Variants in GINS1 observed in about 807,000 individuals in gnomAD.
GINS1 encodes DNA replication complex GINS protein PSF1.
GINS1 carries 26 observed loss-of-function variants against 34.9 expected under a neutral mutation model. The observed-to-expected ratio is 0.74, with a 90% confidence interval of 0.55 to 1.03. GINS1 has a LOEUF of 1.03. Ranked by LOEUF, GINS1 falls within the 50% of genes least tolerant of loss-of-function variation. The pLI is 0.00. For missense variants in GINS1, 235 were observed against 237.9 expected (o/e 0.99, Z 0.08); for synonymous variants, 97 against 84.4 (o/e 1.15, Z -0.82).
intron 6 of GINS1, among the ~76,000 whole-genome samples, chr20:25,443,980 T>TATCTATC (rs2090496781): frequency 4.2e-5 from 6 of 142,918 alleles, no homozygotes; most frequent in Middle Eastern, 3.4e-3. Context: ...TAGGAAACAT[T>TATCTATC]TATCTATCTA....
At chr20:25,428,969 C>CTTTTTTTTTTTTTTTTT (rs77113924) in intron 5 of GINS1, among the ~76,000 whole-genome samples, 3 of 127,438 alleles carry the variant, frequency 2.4e-5, no homozygotes, top group Non-Finnish European at 4.9e-5. Flanking sequence ...ATTCCTCTCT[C>CTTTTTTTTTTTTTTTTT]TTTTTTTTTT....
chr20:25,426,046 C>T (rs1441927702), intron 5 of GINS1, among the ~76,000 whole-genome samples: 1 of 152,166 alleles, frequency 6.6e-6, no homozygotes, highest in Non-Finnish European at 1.5e-5. Flanking sequence ...TCCCATCCCC[C>T]AGCAACCACC....
intron 2 of GINS1, among the ~76,000 whole-genome samples, chr20:25,415,086 T>C (rs1019847968): frequency 5.9e-5 from 9 of 152,246 alleles, no homozygotes; most frequent in Non-Finnish European, 1.3e-4. Flanking sequence ...GTTTCCTCTT[T>C]GGGCTTGTTC....
intron 1 of GINS1, chr20:25,408,807 T>C (rs1480539944): frequency 2.1e-6 from 1 of 467,308 alleles, no homozygotes; most frequent in Non-Finnish European, 2.8e-6. Context: ...GCAAGAAAGC[T>C]AGGATTTGAA....
intron 4 of GINS1, chr20:25,420,712 G>C (rs2090349516): frequency 9.7e-6 from 2 of 205,200 alleles, no homozygotes; most frequent in Non-Finnish European, 1.7e-5. Context: ...AGCCTGGGAG[G>C]TGGAGGTTGC....
chr20:25,436,361 A>G (rs777595693), intron 5 of GINS1, among the ~76,000 whole-genome samples: 10 of 152,070 alleles, frequency 6.6e-5, no homozygotes, highest in Admixed American at 1.3e-4. Context: ...TGATGTTTAT[A>G]TTTATGTCTT....
chr20:25,441,920 C>T, intron 6 of GINS1, 144 bp downstream of exon 6: 1 of 485,002 alleles, frequency 2.1e-6, no homozygotes, highest in South Asian at 3.8e-5. Flanking sequence ...CTGTTCTGTA[C>T]TTTTTCTGAA....
At chr20:25,411,333 C>T (rs2500424) in intron 1 of GINS1, 93,917 of 152,062 alleles carry the variant, frequency 0.62, 30,580 homozygotes, top group African/African-American at 0.79. Flanking sequence ...CTTGCATTTT[C>T]CATCAGGAAT....
At chr20:25,435,663 G>A (rs555372288) in intron 5 of GINS1, among the ~76,000 whole-genome samples, 109 of 150,692 alleles carry the variant, frequency 7.2e-4, no homozygotes, top group Non-Finnish European at 1.2e-3. Flanking sequence ...AAGGCTGAGG[G>A]AGGAGAATTG....
intron 6 of GINS1, among the ~76,000 whole-genome samples, chr20:25,442,683 T>A (rs535817755): frequency 6.7e-6 from 1 of 150,274 alleles, no homozygotes; most frequent in Admixed American, 6.6e-5. Flanking sequence ...TCTCCACTCA[T>A]TGCAACCTCT....
Position 25,444,580 on chromosome 20 carries a change from C to G in GINS1, c.523-1343C>G, listed in dbSNP as rs150931193. The stretch of plus-strand genomic sequence containing the variant: ...CAGGACCTTCAGGTGCACATGGCTA[C>G]TGAGGTTACATTTTGCTTCCTTGAG... On this transcript the variant is annotated intron_variant, in intron 6 of 6. Transcript: ENST00000262460. Among the ~76,000 whole-genome samples, 19 of 152,280 alleles carry G rather than the reference C, an allele frequency of 1.2e-4. No individual in the cohort carries two copies. The East Asian group carries it at 3.1e-3, about 25-fold the overall frequency.
chr20:25,418,107 A>G lies in GINS1; in HGVS notation c.242A>G (p.Tyr81Cys), dbSNP rs778425350. The G allele has an allele frequency of 3.8e-6, 6 of 1,576,442 alleles. No individual in the cohort carries two copies. The South Asian group carries it at 5.5e-5, about 15-fold the overall frequency. The change falls in exon 4 of 7, where the codon TAT becomes TGT. Residue 81 changes from tyrosine (Y) to cysteine (C), a missense_variant and splice_region_variant. By Grantham distance (194) the Tyr-to-Cys change is radical (BLOSUM62 -2). Transcript: ENST00000262460. ...CCAATACCTTCTTGATGTCCTAGGT[A>G]TGACCGCTTGCTTCGGATCAGAGCA... ...RNRRCTVAYL[Y>C]DRLLRIRALR... is the part of the protein sequence containing the mutation.
chr20:25,434,468 A>T (rs2090443520), intron 5 of GINS1, among the ~76,000 whole-genome samples: 1 of 151,800 alleles, frequency 6.6e-6, no homozygotes, highest in African/African-American at 2.4e-5. Context: ...TAAAGAGACA[A>T]GGTCTTGCTC....
In GINS1 at chr20:25,441,745, G is replaced by A. The variant is rs1430681709; in HGVS notation, c.491G>A (p.Gly164Asp). ...TATGGAGAATTTGAAGTTGATGATG[G>A]CACTTCAGTCCTATTAAAAAAAAAT... Reference protein sequence around the residue: ...KDYGEFEVDDGTSVLLKKNSQ... With the variant: ...KDYGEFEVDDDTSVLLKKNSQ... The change falls in exon 6 of 7, where the codon GGC (glycine) becomes GAC (aspartate). Residue 164 changes from glycine (G) to aspartate (D), a missense_variant. Coordinates refer to ENST00000262460, the MANE Select transcript of GINS1 (RefSeq NM_021067.5). The A allele has an allele frequency of 6.4e-7, 1 of 1,563,620 alleles. No homozygotes were observed. Among genetic ancestry groups the A allele is most frequent in the Non-Finnish European group, 8.8e-7 (1 of 1,142,674 alleles).
intron 4 of GINS1, among the ~76,000 whole-genome samples, chr20:25,421,149 TTATC>T (rs1051729625): frequency 1.3e-5 from 2 of 152,126 alleles, no homozygotes; most frequent in African/African-American, 4.8e-5. Context: ...CTTTGGTAAA[TTATC>T]TAATCTCTCA....
chr20:25,444,424 A>G (rs2090500065), intron 6 of GINS1, among the ~76,000 whole-genome samples: 1 of 152,206 alleles, frequency 6.6e-6, no homozygotes, highest in South Asian at 2.1e-4. Flanking sequence ...ATTAGTATGG[A>G]CATTAAATGA....
chr20:25,442,960 C>T (rs2090490931), intron 6 of GINS1: 1 of 152,082 alleles, frequency 6.6e-6, no homozygotes, highest in Non-Finnish European at 1.5e-5. Context: ...GAAAAATGAC[C>T]TAATAAAAGC....
chr20:25,444,077 T>A (rs6037120), intron 6 of GINS1, among the ~76,000 whole-genome samples: 65,193 of 151,372 alleles, frequency 0.43, 14,754 homozygotes, highest in East Asian at 0.92. Flanking sequence ...AGTGGCGTGA[T>A]CTTGGCTCAC....
rs115214827 is a variant in GINS1, at chr20:25,440,575, C to T, written c.448-1127C>T. Among the ~76,000 whole-genome samples, 1,394 of 152,134 alleles carry T rather than the reference C, an allele frequency of 9.2e-3. 20 individuals carry two copies. Among genetic ancestry groups the T allele is most frequent in the African/African-American group, 0.029 (1,202 of 41,504 alleles). Reference sequence around the variant, plus strand: ...CCTGTAATCCCAGCACTTTGGGAAGCGGGGACAGGCAGATCACTTGAGGTC... The same window carrying T: ...CCTGTAATCCCAGCACTTTGGGAAGTGGGGACAGGCAGATCACTTGAGGTC... On this transcript the variant is annotated intron_variant, in intron 5 of 6. Coordinates refer to ENST00000262460, the MANE Select transcript of GINS1 (RefSeq NM_021067.5).
Sources: allele counts gnomAD v4.1 joint callset (sites outside exome capture counted in the v4.1 genomes callset), GRCh38; gene constraint gnomAD v4.1.1; transcripts MANE v1.5; gene names NCBI Gene and HGNC (gene_info 2026-07-23, HGNC 2026-07-21).